The following FANCL variants were observed in gnomAD, a reference collection of about 807,000 sequenced individuals.
The protein encoded by FANCL is E3 ubiquitin-protein ligase FANCL.
Under a neutral mutation model 59.4 loss-of-function variants are expected in FANCL, and 69 were observed. That is an observed-to-expected ratio of 1.16 (90% CI 0.96 to 1.42). The LOEUF is 1.42. Among genes scored for constraint, FANCL ranks in the 40% most tolerant of loss-of-function variants. FANCL has a pLI of 0.00. For synonymous variants in FANCL, 180 were observed against 147.1 expected (o/e 1.22, Z -1.62); for missense variants, 519 against 447.2 (o/e 1.16, Z -1.45).
chr2:58,218,540 T>C (rs974488347), intron 5 of FANCL, among the ~76,000 whole-genome samples: 2 of 151,182 alleles, frequency 1.3e-5, no homozygotes, highest in Non-Finnish European at 2.9e-5. Flanking sequence ...GTTACAAATA[T>C]GGGAAAGAAG....
At chr2:58,199,160 T>C (rs889971630) in intron 6 of FANCL, among the ~76,000 whole-genome samples, 6 of 152,188 alleles carry the variant, frequency 3.9e-5, no homozygotes, top group African/African-American at 1.2e-4. Flanking sequence ...AGTCAACCTA[T>C]GGAGGTGCAA....
intron 4 of FANCL, among the ~76,000 whole-genome samples, chr2:58,224,966 G>T (rs1309605377): frequency 4.0e-5 from 6 of 151,806 alleles, no homozygotes; most frequent in Non-Finnish European, 5.9e-5. Flanking sequence ...TCCAGATTGA[G>T]GCATCCAAAT....
intron 6 of FANCL, among the ~76,000 whole-genome samples, chr2:58,200,509 A>G (rs1036403846): frequency 6.6e-6 from 1 of 152,102 alleles, no homozygotes; most frequent in Non-Finnish European, 1.5e-5. Flanking sequence ...TATCTTAGTG[A>G]TGCTGACAAT....
In FANCL at chr2:58,224,629, A is replaced by G. The variant is rs543797229; in HGVS notation, c.273+2099T>C. ...TGCTAGGAATAAAATGGTCTCAACAAGGATCACAAAGAAATATCAAAACTT... is the reference window on the plus strand; with the variant it reads ...TGCTAGGAATAAAATGGTCTCAACAGGGATCACAAAGAAATATCAAAACTT... On this transcript the variant is annotated intron_variant, in intron 4 of 13. Coordinates refer to ENST00000233741, the MANE Select transcript of FANCL (RefSeq NM_018062.4). Among the ~76,000 whole-genome samples the G allele has an allele frequency of 6.6e-5, 10 of 152,056 alleles. No homozygotes were observed. The South Asian group carries it at 2.1e-3, about 32-fold the overall frequency.
At chr2:58,160,293 G>C in intron 12 of FANCL, 114 bp from the exon 13 acceptor site, 1 of 1,112,660 alleles carries the variant, frequency 9.0e-7, no homozygotes, top group Non-Finnish European at 1.4e-6. Flanking sequence ...AGAAGACTTA[G>C]CTTAATTTTG....
intron 7 of FANCL, among the ~76,000 whole-genome samples, chr2:58,191,263 A>G (rs1688892489): frequency 6.6e-6 from 1 of 151,932 alleles, no homozygotes; most frequent in South Asian, 2.1e-4. Context: ...ATTGAAAAAA[A>G]TAATTTTTAT....
intron 11 of FANCL, 60 bp downstream of exon 11, chr2:58,162,806 A>C: frequency 1.5e-6 from 2 of 1,376,516 alleles, no homozygotes; most frequent in East Asian, 2.3e-5. Context: ...TCACTGAGAG[A>C]AGCATTTAAA....
chr2:58,224,513 T>A (rs1306133501), intron 4 of FANCL, among the ~76,000 whole-genome samples: 1 of 151,838 alleles, frequency 6.6e-6, no homozygotes, highest in Non-Finnish European at 1.5e-5. Context: ...ACACATTTAA[T>A]CAAAGTCCTA....
chr2:58,193,797 C>T lies in FANCL; in HGVS notation c.540+4797G>A, dbSNP rs115337726. Among the ~76,000 whole-genome samples, 1,296 of 152,022 alleles carry T rather than the reference C, an allele frequency of 8.5e-3. 9 individuals are homozygous for T. The highest frequency in any genetic ancestry group is 0.011 in the Non-Finnish European group (773 of 67,966). ...CCCAACACTGTGTTTGTTTTAAACT[C>T]GATTTATTTTTCTTTACATATCCAT... On this transcript the variant is annotated intron_variant, in intron 7 of 13. Coordinates refer to ENST00000233741, the MANE Select transcript of FANCL (RefSeq NM_018062.4).
At position 58,221,965 on chromosome 2, in the gene FANCL, C is replaced by G; in HGVS notation, c.351G>C (p.Glu117Asp). 2 of 1,612,914 alleles carry G rather than the reference C, an allele frequency of 1.2e-6. No homozygotes were observed. Among genetic ancestry groups the G allele is most frequent in the Non-Finnish European group, 1.7e-6 (2 of 1,179,032 alleles). ...ACTTATCCCAACCAAGAGTTCCTAT[C>G]TCTTCAATAAGGCTTGAGTAGAACT... ...PPQFYSSLIE[E>D]IGTLGWDKLV... Residue 117 changes from glutamate to aspartate, a missense_variant, in exon 5 of 14, where the codon GAG (glutamate) becomes GAC (aspartate). Glu to Asp is a conservative substitution (Grantham distance 45). Coordinates refer to ENST00000233741, the MANE Select transcript of FANCL (RefSeq NM_018062.4).
chr2:58,223,479 A>G (rs1692683507), intron 4 of FANCL, among the ~76,000 whole-genome samples: 1 of 151,962 alleles, frequency 6.6e-6, no homozygotes, highest in South Asian at 2.1e-4. Flanking sequence ...TAGTAAAAAC[A>G]CTTTTCAATC....
intron 7 of FANCL, among the ~76,000 whole-genome samples, chr2:58,179,022 C>A (rs1360996627): frequency 2.0e-5 from 3 of 152,134 alleles, no homozygotes; most frequent in African/African-American, 7.2e-5. Flanking sequence ...ATCCAACTTA[C>A]AAGGGATGTG....
intron 7 of FANCL, among the ~76,000 whole-genome samples, chr2:58,171,256 C>G (rs1425259205): frequency 6.6e-6 from 1 of 152,152 alleles, no homozygotes; most frequent in Non-Finnish European, 1.5e-5. Context: ...ACTGAACAAC[C>G]TTCTCCTGAA....
chr2:58,231,092 T>TG (rs757858944), intron 2 of FANCL, among the ~76,000 whole-genome samples: 5 of 152,226 alleles, frequency 3.3e-5, no homozygotes, highest in Non-Finnish European at 7.3e-5. Context: ...TGAAAGACTC[T>TG]GCTGCCCAAG....
chr2:58,239,190 C>A (rs988085925), intron 1 of FANCL, among the ~76,000 whole-genome samples: 34 of 152,092 alleles, frequency 2.2e-4, no homozygotes, highest in Admixed American at 2.0e-3. Flanking sequence ...AAGTTTGATG[C>A]CTCAGAGTAC....
In FANCL at chr2:58,159,589, T is replaced by G. The variant is rs1684750918; in HGVS notation, c.*176A>C. 6.2e-7 allele frequency: 1 copy of G among 1,613,754 alleles called. No individual in the cohort carries two copies. Among genetic ancestry groups the G allele is most frequent in the African/African-American group, 1.3e-5 (1 of 74,918 alleles). ...TTCAACTGGACTTTGGCCTACAATTTCCCAGTTTACTCTTAGTGAAGAGAC... is the reference window on the plus strand; with the variant it reads ...TTCAACTGGACTTTGGCCTACAATTGCCCAGTTTACTCTTAGTGAAGAGAC... On this transcript the variant is annotated 3_prime_UTR_variant, in exon 14 of 14. Coordinates refer to ENST00000233741, the MANE Select transcript of FANCL (RefSeq NM_018062.4).
intron 7 of FANCL, among the ~76,000 whole-genome samples, chr2:58,195,686 A>T (rs1304239342): frequency 1.3e-5 from 2 of 152,180 alleles, no homozygotes; most frequent in Non-Finnish European, 2.9e-5. Flanking sequence ...AAATATAGAT[A>T]AAATGTTTAT....
chr2:58,226,995 C>A (rs896287709), intron 3 of FANCL, among the ~76,000 whole-genome samples: 1 of 152,170 alleles, frequency 6.6e-6, no homozygotes, highest in Admixed American at 6.5e-5. Flanking sequence ...ATCTAATTTG[C>A]TGAGATATAT....
chr2:58,218,942 TTTG>T (rs1283666309), intron 5 of FANCL, among the ~76,000 whole-genome samples: 2 of 150,564 alleles, frequency 1.3e-5, no homozygotes, highest in African/African-American at 4.9e-5. Context: ...TATAAACACA[TTTG>T]TTTTCCATTT....
Sources: allele counts gnomAD v4.1 joint callset (sites outside exome capture counted in the v4.1 genomes callset), GRCh38; gene constraint gnomAD v4.1.1; transcripts MANE v1.5; gene names NCBI Gene and HGNC (gene_info 2026-07-23, HGNC 2026-07-21).